Variants in GALNT13 observed in about 807,000 individuals in gnomAD.
The protein encoded by GALNT13 is UDP-GalNAc:polypeptide N-acetylgalactosaminyltransferase 13.
Under a neutral mutation model 64.2 loss-of-function variants are expected in GALNT13, and 28 were observed. That is an observed-to-expected ratio of 0.44 (90% CI 0.32 to 0.60). GALNT13 has a LOEUF of 0.60. GALNT13 is among the 20% of genes least tolerant of loss of function. GALNT13 has a pLI of 0.05. For missense variants in GALNT13, 577 were observed against 669.8 expected, an observed-to-expected ratio of 0.86 and a Z score of 1.53; for synonymous variants, 214 against 224.6, an observed-to-expected ratio of 0.95 and a Z score of 0.42.
At chr2:154,187,353 G>A (rs1686307456) in intron 4 of GALNT13, among the ~76,000 whole-genome samples, 4 of 143,488 alleles carry the variant, frequency 2.8e-5, no homozygotes, top group Admixed American at 2.3e-4. Context: ...GAATGAGTAA[G>A]AAAGAGATAG....
At chr2:153,593,529 A>T in the GALNT13 span, among the ~76,000 whole-genome samples, 1 of 152,144 alleles carries the variant, frequency 6.6e-6, no homozygotes, top group African/African-American at 2.4e-5. Context: ...AACAATCTTA[A>T]TAATCCTGTT....
At chr2:153,072,783 C>T in the GALNT13 span, among the ~76,000 whole-genome samples, 1 of 152,282 alleles carries the variant, frequency 6.6e-6, no homozygotes, top group African/African-American at 2.4e-5. Context: ...TGATGTCCTT[C>T]TTCTGTAATA....
Position 154,245,946 on chromosome 2 carries a change from T to C in GALNT13, c.821T>C (p.Met274Thr). 1 of 1,613,244 alleles carries C rather than the reference T, an allele frequency of 6.2e-7. No homozygotes were observed. The highest frequency in any genetic ancestry group is 8.5e-7 in the Non-Finnish European group (1 of 1,179,438). The stretch of plus-strand genomic sequence containing the variant: ...TGGTATCCTGTTCCCCAAAGAGAAA[T>C]GGACAGGAGGAAAGGAGACAGAACA... ...FRWYPVPQRE[M>T]DRRKGDRTLP... Residue 274 changes from methionine (M) to threonine (T), a missense_variant, in exon 7 of 13, where the codon ATG (methionine) becomes ACG (threonine). Coordinates refer to ENST00000392825, the MANE Select transcript of GALNT13 (RefSeq NM_052917.4).
chr2:153,484,385 G>T, the GALNT13 span, among the ~76,000 whole-genome samples: 1 of 151,994 alleles, frequency 6.6e-6, no homozygotes, highest in Non-Finnish European at 1.5e-5. Context: ...CAGTTATATT[G>T]ATCTCGAATA....
chr2:153,863,703 G>A, the GALNT13 span, among the ~76,000 whole-genome samples: 4 of 152,056 alleles, frequency 2.6e-5, no homozygotes, highest in East Asian at 3.9e-4. Flanking sequence ...ATAAGCAATC[G>A]AAACATGCTT....
chr2:154,182,198 A>G (rs1323312105), intron 4 of GALNT13, among the ~76,000 whole-genome samples: 2 of 152,170 alleles, frequency 1.3e-5, no homozygotes, highest in East Asian at 3.8e-4. Flanking sequence ...GTAACTTGAG[A>G]AATAGAGTTT....
the GALNT13 span, among the ~76,000 whole-genome samples, chr2:153,215,968 C>T: frequency 6.6e-6 from 1 of 151,966 alleles, no homozygotes; most frequent in Non-Finnish European, 1.5e-5. Context: ...ATTTTTCAGA[C>T]TGCCCCCTTG....
the GALNT13 span, among the ~76,000 whole-genome samples, chr2:153,763,574 T>C: frequency 6.6e-6 from 1 of 152,198 alleles, no homozygotes; most frequent in Non-Finnish European, 1.5e-5. Flanking sequence ...TCTGCCATGA[T>C]TGTGAGGCCT....
At chr2:154,035,389 C>T (rs922851567) in intron 3 of GALNT13, among the ~76,000 whole-genome samples, 1 of 151,940 alleles carries the variant, frequency 6.6e-6, no homozygotes, top group Non-Finnish European at 1.5e-5. Flanking sequence ...TCATATAGAA[C>T]TTTAAATTAA....
At chr2:154,357,785 G>C (rs898994061) in intron 9 of GALNT13, among the ~76,000 whole-genome samples, 8 of 152,026 alleles carry the variant, frequency 5.3e-5, no homozygotes, top group Admixed American at 2.6e-4. Context: ...GGCAGATGTA[G>C]ATAACATCGG....
At chr2:153,726,293 C>T in the GALNT13 span, among the ~76,000 whole-genome samples, 100,204 of 151,886 alleles carry the variant, frequency 0.66, 33,949 homozygotes, top group Non-Finnish European at 0.75. Context: ...GTTAAGTCAA[C>T]GCTGTCTTTA....
At chr2:153,587,850 C>G in the GALNT13 span, among the ~76,000 whole-genome samples, 1 of 152,234 alleles carries the variant, frequency 6.6e-6, no homozygotes, top group Admixed American at 6.5e-5. Context: ...CAAGGCAAGT[C>G]TCTTCTGCCT....
chr2:153,316,138 GAAAAC>G, the GALNT13 span, among the ~76,000 whole-genome samples: 1 of 151,692 alleles, frequency 6.6e-6, no homozygotes, highest in Admixed American at 6.6e-5. Context: ...AAAGAAAAAA[GAAAAC>G]AAAAAAAAGA....
chr2:153,789,664 A>C, the GALNT13 span, among the ~76,000 whole-genome samples: 9 of 152,134 alleles, frequency 5.9e-5, no homozygotes, highest in Admixed American at 3.3e-4. Flanking sequence ...GGTATTTTGA[A>C]AAATATAATA....
At chr2:154,324,887 C>T (rs1268094913) in intron 9 of GALNT13, among the ~76,000 whole-genome samples, 1 of 152,064 alleles carries the variant, frequency 6.6e-6, no homozygotes, top group Non-Finnish European at 1.5e-5. Flanking sequence ...TGGAGATGGT[C>T]CTGAGAAGCT....
the GALNT13 span, among the ~76,000 whole-genome samples, chr2:153,172,547 CAAGGTGGAGGAG>C: frequency 6.6e-6 from 1 of 151,968 alleles, no homozygotes; most frequent in Non-Finnish European, 1.5e-5. Context: ...AGGCCCTGAC[CAAGGTGGAGGAG>C]AACAGGTCAT....
At chr2:154,387,045 A>G (rs1284116476) in intron 9 of GALNT13, among the ~76,000 whole-genome samples, 1 of 152,146 alleles carries the variant, frequency 6.6e-6, no homozygotes, top group Non-Finnish European at 1.5e-5. Context: ...TTGTGGTAAT[A>G]ATAGTAAATG....
the GALNT13 span, among the ~76,000 whole-genome samples, chr2:153,773,279 G>A: frequency 6.6e-6 from 1 of 152,202 alleles, no homozygotes. Flanking sequence ...CCCTACCTAG[G>A]TCGGGTGGGC....
chr2:153,700,529 G>A, the GALNT13 span, among the ~76,000 whole-genome samples: 4 of 152,046 alleles, frequency 2.6e-5, no homozygotes. Context: ...GGGTATTCAA[G>A]TAGGAAGAGA....
Sources: allele counts gnomAD v4.1 joint callset (sites outside exome capture counted in the v4.1 genomes callset), GRCh38; gene constraint gnomAD v4.1.1; transcripts MANE v1.5; gene names NCBI Gene and HGNC (gene_info 2026-07-23, HGNC 2026-07-21).